The following C5 variants were observed in gnomAD, a reference collection of about 807,000 sequenced individuals.
The protein encoded by C5 is C3 and PZP-like alpha-2-macroglobulin domain-containing protein 4.
In C5, 140 loss-of-function variants were observed where a neutral mutation model predicts 218.8. The observed-to-expected ratio is 0.64, with a 90% CI of 0.56 to 0.74. The LOEUF (loss-of-function observed/expected upper bound fraction) is 0.74, where lower values mean the gene tolerates loss of function less well. Ranked by LOEUF, C5 falls within the 30% of genes least tolerant of loss-of-function variation. C5 has a pLI of 0.00. For synonymous variants in C5, 614 were observed against 682.3 expected (o/e 0.90, Z 1.56); for missense variants, 1,700 against 1,969.6 (o/e 0.86, Z 2.59).
chr9:121,051,848 CA>C (rs1351512511), upstream of C5, among the ~76,000 whole-genome samples: 1 of 152,080 alleles, frequency 6.6e-6, no homozygotes, highest in Non-Finnish European at 1.5e-5. Flanking sequence ...AGCTGGGTTG[CA>C]AAAGATGGGT....
Position 121,013,988 on chromosome 9 carries a change from T to C in C5, c.2142A>G (p.Arg714=), listed in dbSNP as rs2047285182. The change falls in exon 17 of 41, where the codon CGA becomes CGG. Residue 714 remains arginine (R), a synonymous_variant. Transcript: ENST00000223642. ...TTGGCCCTAAACTAATCCGTGCAGC[T>C]CGCTGCTCACAGGTTTCATCATTAT... ...CVNNDETCEQ[R]AARISLGPRC... is the part of the protein sequence containing the mutation. 6.2e-7 allele frequency: 1 copy of C among 1,614,018 alleles called. No individual in the cohort carries two copies. Among genetic ancestry groups the C allele is most frequent in the Non-Finnish European group, 8.5e-7 (1 of 1,179,996 alleles).
At chr9:120,967,841 C>T (rs2046880859) in intron 33 of C5, among the ~76,000 whole-genome samples, 1 of 152,102 alleles carries the variant, frequency 6.6e-6, no homozygotes, top group Admixed American at 6.6e-5. Flanking sequence ...CCTGCCTCAG[C>T]CTCCTGAGTA....
intron 7 of C5, among the ~76,000 whole-genome samples, chr9:121,030,041 T>C (rs1426868765): frequency 6.6e-6 from 1 of 152,158 alleles, no homozygotes; most frequent in Non-Finnish European, 1.5e-5. Context: ...TTGAAGTAGT[T>C]ACGCAGCATT....
intron 16 of C5, among the ~76,000 whole-genome samples, chr9:121,014,640 G>A (rs991793401): frequency 1.3e-5 from 2 of 152,136 alleles, no homozygotes; most frequent in East Asian, 3.9e-4. Context: ...TATACAAATG[G>A]AAGAAACTAT....
chr9:121,039,941 A>G (rs2131813185), intron 3 of C5, among the ~76,000 whole-genome samples: 1 of 152,332 alleles, frequency 6.6e-6, no homozygotes. Flanking sequence ...CCGGCCTTGA[A>G]TGCCTTCTAA....
chr9:121,002,651 C>T (rs941943936), intron 20 of C5, among the ~76,000 whole-genome samples: 3 of 152,052 alleles, frequency 2.0e-5, no homozygotes, highest in Non-Finnish European at 2.9e-5. Flanking sequence ...TCAAGCCCAT[C>T]TTGAATCAGG....
intron 3 of C5, among the ~76,000 whole-genome samples, chr9:121,038,908 C>T (rs2047553248): frequency 6.6e-6 from 1 of 152,234 alleles, no homozygotes; most frequent in African/African-American, 2.4e-5. Flanking sequence ...CTGTCTCCCA[C>T]CACAAATCCT....
At chr9:121,004,220 AAT>A (rs2047197021) in intron 20 of C5, among the ~76,000 whole-genome samples, 1 of 152,062 alleles carries the variant, frequency 6.6e-6, no homozygotes, top group Non-Finnish European at 1.5e-5. Flanking sequence ...TAACTTTAGA[AAT>A]ATGTTATTTT....
chr9:120,954,164 G>A (rs952177689), intron 39 of C5, among the ~76,000 whole-genome samples: 11 of 152,134 alleles, frequency 7.2e-5, no homozygotes, highest in Non-Finnish European at 1.2e-4. Flanking sequence ...TAGAACCATC[G>A]TGAGATTAAA....
intron 1 of C5, 45 bp downstream of exon 1, chr9:121,050,137 A>G: frequency 1.4e-6 from 2 of 1,428,484 alleles, no homozygotes; most frequent in Non-Finnish European, 9.9e-7. Flanking sequence ...TTCATTCGTC[A>G]TAACTAAGAT....
chr9:121,055,982 A>T, the C5 span, among the ~76,000 whole-genome samples: 1 of 152,240 alleles, frequency 6.6e-6, no homozygotes, highest in East Asian at 1.9e-4. Flanking sequence ...CCCAAGTCTT[A>T]GATACACCAA....
intron 33 of C5, among the ~76,000 whole-genome samples, chr9:120,965,865 G>T (rs2046863688): frequency 6.6e-6 from 1 of 152,162 alleles, no homozygotes; most frequent in Non-Finnish European, 1.5e-5. Context: ...CATGGAGACT[G>T]TTTCAATGGT....
chr9:120,982,038 G>A (rs912651828), intron 26 of C5, 99 bp from the exon 27 acceptor site: 17 of 796,420 alleles, frequency 2.1e-5, no homozygotes, highest in Middle Eastern at 3.3e-4. Context: ...TTGAGATGGA[G>A]TCTCACTCTG....
intron 30 of C5, among the ~76,000 whole-genome samples, chr9:120,973,739 G>A (rs1363219730): frequency 1.3e-5 from 2 of 152,142 alleles, no homozygotes; most frequent in Non-Finnish European, 2.9e-5. Flanking sequence ...AGCACTTTGG[G>A]AGGCCAAGGT....
intron 36 of C5, among the ~76,000 whole-genome samples, chr9:120,962,363 T>C (rs956617007): frequency 2.0e-5 from 3 of 149,830 alleles, no homozygotes; most frequent in African/African-American, 7.6e-5. Context: ...AGGAGAGATA[T>C]GATTTATCTG....
intron 11 of C5, among the ~76,000 whole-genome samples, chr9:121,020,594 C>T (rs1053838450): frequency 6.6e-6 from 1 of 152,098 alleles, no homozygotes; most frequent in African/African-American, 2.4e-5. Context: ...GAGCTATGAA[C>T]GAACATCTCA....
At chr9:121,000,327 G>A (rs2047150871) in intron 20 of C5, among the ~76,000 whole-genome samples, 1 of 152,180 alleles carries the variant, frequency 6.6e-6, no homozygotes, top group Non-Finnish European at 1.5e-5. Context: ...ATCTGGCAGA[G>A]TAAATGTGTA....
At position 120,962,955 on chromosome 9, in the gene C5, C is replaced by G; in HGVS notation, c.4336G>C (p.Val1446Leu). Residue 1446 changes from valine (V) to leucine (L), a missense_variant, in exon 35 of 41, where the codon GTG becomes CTG. Physicochemically the swap from Val to Leu is conservative, Grantham distance 32. Transcript: ENST00000223642. ...EEDLKALVEGVDQLFTDYQIK... is the reference protein window; with the variant it reads ...EEDLKALVEGLDQLFTDYQIK... ...TGGTAATCAGTGAATAGTTGATCCA[C>G]CCCTTCCACAAGCTAAGGGGGAAAA... 6.2e-7 allele frequency: 1 copy of G among 1,613,512 alleles called. No homozygotes were observed. The highest frequency in any genetic ancestry group is 8.5e-7 in the Non-Finnish European group (1 of 1,179,452).
In C5 at chr9:121,046,255, CTA is replaced by C. The variant is rs1344470209; in HGVS notation, c.192_193del (p.Phe64LeufsTer14). On this transcript the variant is annotated frameshift_variant, in exon 2 of 41. Transcript: ENST00000223642. LOFTEE classifies it high-confidence loss of function. ...TAAATGAACATGGCCTGAGGAGTAA[CTA>C]AATTTTTTATCAGGATAACTTTTAA... The C allele has an allele frequency of 6.2e-7, 1 of 1,608,834 alleles. No homozygotes were observed. The highest frequency in any genetic ancestry group is 8.5e-7 in the Non-Finnish European group (1 of 1,176,070).
Sources: allele counts gnomAD v4.1 joint callset (sites outside exome capture counted in the v4.1 genomes callset), GRCh38; gene constraint gnomAD v4.1.1; transcripts MANE v1.5; gene names NCBI Gene and HGNC (gene_info 2026-07-23, HGNC 2026-07-21).